Variants in EXOC5 observed in about 807,000 individuals in gnomAD.
EXOC5 encodes the protein exocyst complex component 5, also known as SEC10-like 1.
EXOC5 carries 17 observed loss-of-function variants against 90.8 expected under a neutral mutation model. That is an observed-to-expected ratio of 0.19 (90% CI 0.13 to 0.28). The LOEUF (loss-of-function observed/expected upper bound fraction) is 0.28, where lower values mean the gene tolerates loss of function less well. Among genes scored for constraint, EXOC5 ranks in the 10% least tolerant of loss-of-function variants. The pLI is 1.00. For missense variants in EXOC5, 569 were observed against 830.6 expected (o/e 0.69, Z 3.87); for synonymous variants, 260 against 270.0 (o/e 0.96, Z 0.36).
rs1882634287 is a variant in EXOC5 at position 57,205,827 on chromosome 14, T to C, written c.*2782A>G. ...TTTAATTTAACCTACTTTGATAGTT[T>C]TTTAAAACAAGGAAGATCCTAAGGA... On this transcript the variant is annotated 3_prime_UTR_variant, in exon 18 of 18. Transcript: ENST00000621441. 2.3e-6 allele frequency: 1 copy of C among 443,190 alleles called. No homozygotes were observed. The highest frequency in any genetic ancestry group is 4.5e-6 in the Non-Finnish European group (1 of 223,924). The allele number at this position is 443,190 out of a possible 1,614,324, so 27.5% of individuals were successfully genotyped here. A position where few individuals can be genotyped will look rare whatever the true frequency, so the allele number is the denominator to read the frequency against.
In EXOC5 at chr14:57,268,065, CA is replaced by C. The variant is rs1327311059; in HGVS notation, c.27+556del. Reference sequence around the variant, plus strand: ...AAGAGATAAGTAGGCCTTTATTGTCCAAAAAAAAAAAAATTGTCCCAGCCTT... The same window carrying C: ...AAGAGATAAGTAGGCCTTTATTGTCCAAAAAAAAAAAATTGTCCCAGCCTT... On this transcript the variant is annotated intron_variant, in intron 1 of 17. Transcript: ENST00000621441. Among the ~76,000 whole-genome samples, 384 of 138,380 alleles carry C rather than the reference CA, an allele frequency of 2.8e-3. 2 individuals carry two copies. Among genetic ancestry groups the C allele is most frequent in the African/African-American group, 5.9e-3 (225 of 37,826 alleles). 90.8% of individuals were successfully genotyped at this position (138,380 alleles called of 152,430 possible). A position where few individuals can be genotyped will look rare whatever the true frequency, so the allele number is the denominator to read the frequency against.
intron 1 of EXOC5, among the ~76,000 whole-genome samples, chr14:57,249,916 G>A (rs540068469): frequency 5.3e-5 from 8 of 152,152 alleles, no homozygotes; most frequent in African/African-American, 1.9e-4. Flanking sequence ...GGGATTATAG[G>A]CATGCACCAC....
intron 1 of EXOC5, among the ~76,000 whole-genome samples, chr14:57,259,909 A>G (rs1237584920): frequency 1.3e-5 from 2 of 152,182 alleles, no homozygotes; most frequent in South Asian, 2.1e-4. Context: ...AGTTGGGGCC[A>G]TGGCTGAAAC....
intron 12 of EXOC5, among the ~76,000 whole-genome samples, chr14:57,226,294 G>T (rs10135805): frequency 2.0e-5 from 3 of 151,932 alleles, no homozygotes; most frequent in Non-Finnish European, 1.5e-5. Flanking sequence ...GTGATTTGGG[G>T]GTCCAGAGAT....
intron 1 of EXOC5, among the ~76,000 whole-genome samples, chr14:57,265,526 C>G (rs1240958083): frequency 6.6e-6 from 1 of 152,128 alleles, no homozygotes; most frequent in Non-Finnish European, 1.5e-5. Flanking sequence ...AGATCAAGAC[C>G]AGCCTGGGCA....
intron 1 of EXOC5, among the ~76,000 whole-genome samples, chr14:57,256,302 A>C (rs958741509): frequency 1.3e-5 from 2 of 152,124 alleles, no homozygotes; most frequent in Admixed American, 6.6e-5. Flanking sequence ...AATTCTGAAA[A>C]TGTATGGACA....
chr14:57,205,841 A>AGCTTAG lies in EXOC5; in HGVS notation c.*2767_*2768insCTAAGC. On this transcript the variant is annotated 3_prime_UTR_variant, in exon 18 of 18. Coordinates refer to ENST00000621441, the MANE Select transcript of EXOC5 (RefSeq NM_006544.4). Reference sequence around the variant, plus strand: ...CTTTGATAGTTTTTTAAAACAAGGAAGATCCTAAGGACTTGCAACTATGGC... The same window carrying AGCTTAG: ...CTTTGATAGTTTTTTAAAACAAGGAAGCTTAGGATCCTAAGGACTTGCAACTATGGC... 1 of 447,880 alleles carries AGCTTAG rather than the reference A, an allele frequency of 2.2e-6. No individual in the cohort carries two copies. The highest frequency in any genetic ancestry group is 4.4e-6 in the Non-Finnish European group (1 of 224,882). 27.7% of individuals were successfully genotyped at this position (447,880 alleles called of 1,614,324 possible). A position where few individuals can be genotyped will look rare whatever the true frequency, so the allele number is the denominator to read the frequency against.
chr14:57,215,533 C>T (rs1882948084), intron 15 of EXOC5, among the ~76,000 whole-genome samples: 1 of 151,114 alleles, frequency 6.6e-6, no homozygotes, highest in African/African-American at 2.4e-5. Flanking sequence ...ATAAATGTGA[C>T]AGACCACATT....
At chr14:57,224,349 A>G (rs544701008) in intron 12 of EXOC5, among the ~76,000 whole-genome samples, 168 of 151,676 alleles carry the variant, frequency 1.1e-3, no homozygotes, top group African/African-American at 3.8e-3. Flanking sequence ...GATTGATCAG[A>G]AAAAAAAATA....
At chr14:57,251,415 A>G (rs1884188970) in intron 1 of EXOC5, among the ~76,000 whole-genome samples, 1 of 152,218 alleles carries the variant, frequency 6.6e-6, no homozygotes, top group Non-Finnish European at 1.5e-5. Flanking sequence ...CCTCTGGATA[A>G]AGTGACTGTC....
chr14:57,208,446 C>A lies in EXOC5; in HGVS notation c.*163G>T, dbSNP rs1594643234. ...AGTGGTATCCAAACTTTAAATAAAACCTCAAAGGTAAGTATGGCTGCTGTT... is the reference window on the plus strand; with the variant it reads ...AGTGGTATCCAAACTTTAAATAAAAACTCAAAGGTAAGTATGGCTGCTGTT... On this transcript the variant is annotated 3_prime_UTR_variant, in exon 18 of 18. Coordinates refer to ENST00000621441, the MANE Select transcript of EXOC5 (RefSeq NM_006544.4). 4.2e-6 allele frequency: 2 copies of A among 472,934 alleles called. No individual in the cohort carries two copies. Among genetic ancestry groups the A allele is most frequent in the Non-Finnish European group, 7.4e-6 (2 of 268,850 alleles). 29.3% of individuals were successfully genotyped at this position (472,934 alleles called of 1,614,324 possible).
At chr14:57,263,738 C>CT (rs1884585964) in intron 1 of EXOC5, among the ~76,000 whole-genome samples, 1 of 118,756 alleles carries the variant, frequency 8.4e-6, no homozygotes, top group Non-Finnish European at 1.7e-5. Flanking sequence ...GCACTCCAGC[C>CT]TAAAAAAAAA....
In EXOC5 at chr14:57,246,782, G is replaced by C; in HGVS notation, c.199C>G (p.Leu67Val). The C allele has an allele frequency of 6.2e-7, 1 of 1,609,076 alleles. No individual in the cohort carries two copies. Among genetic ancestry groups the C allele is most frequent in the Non-Finnish European group, 8.5e-7 (1 of 1,177,600 alleles). Residue 67 changes from leucine to valine, a missense_variant, in exon 3 of 18, where the codon CTA (leucine) becomes GTA (valine). This residue lies in a region of EXOC5 where 45 missense variants were observed against 44.6 expected (regional missense o/e 1.01). Transcript: ENST00000621441. ...GCTTCTTTCTGACATTGTTGCTCTA[G>C]TTTCTCTACTTTCCTCTGAATCCTT... The part of the protein sequence containing the change: ...DERIQRKVEK[L>V]EQQCQKEAKE...
intron 12 of EXOC5, among the ~76,000 whole-genome samples, chr14:57,228,931 A>T (rs1779875747): frequency 6.6e-6 from 1 of 151,916 alleles, no homozygotes; most frequent in Admixed American, 6.6e-5. Context: ...TGTTTCATAC[A>T]ATCTTTTGCT....
At chr14:57,266,598 C>CCTAGA (rs1404446704) in intron 1 of EXOC5, among the ~76,000 whole-genome samples, 1 of 151,876 alleles carries the variant, frequency 6.6e-6, no homozygotes, top group Non-Finnish European at 1.5e-5. Context: ...AACCCTCTGG[C>CCTAGA]CTAAGGGTAG....
At chr14:57,213,524 C>G (rs1882885883) in intron 15 of EXOC5, among the ~76,000 whole-genome samples, 1 of 151,878 alleles carries the variant, frequency 6.6e-6, no homozygotes, top group Admixed American at 6.6e-5. Context: ...TCCCCTGCCT[C>G]AGCCTCCCGA....
intron 12 of EXOC5, among the ~76,000 whole-genome samples, chr14:57,222,925 C>A (rs79906710): frequency 0.01 from 1,559 of 151,878 alleles, 27 homozygotes; most frequent in African/African-American, 0.036. Context: ...AAAAAGAATT[C>A]TTTGTTTTAC....
chr14:57,222,868 T>C (rs1161377117), intron 12 of EXOC5, among the ~76,000 whole-genome samples: 4 of 151,660 alleles, frequency 2.6e-5, no homozygotes, highest in Admixed American at 1.3e-4. Context: ...CCAAAGAGGT[T>C]TGAGAGCCAC....
chr14:57,259,359 G>C (rs560439386), intron 1 of EXOC5, among the ~76,000 whole-genome samples: 2 of 152,254 alleles, frequency 1.3e-5, no homozygotes, highest in African/African-American at 4.8e-5. Flanking sequence ...TCAGTCTCTG[G>C]AAATGCTCGG....
Sources: allele counts gnomAD v4.1 joint callset (sites outside exome capture counted in the v4.1 genomes callset), GRCh38; gene constraint gnomAD v4.1.1; regional missense constraint gnomAD v4.1.1; transcripts MANE v1.5; gene names NCBI Gene and HGNC (gene_info 2026-07-23, HGNC 2026-07-21).